TRIP12: variants seen among roughly 807,000 people sequenced by gnomAD.
TRIP12 encodes thyroid hormone receptor interactor 12.
In TRIP12, 25 loss-of-function variants were observed where a neutral mutation model predicts 244.2. The observed-to-expected ratio is 0.10, with a 90% CI of 0.07 to 0.14. The LOEUF is 0.14. Among genes scored for constraint, TRIP12 ranks in the 10% least tolerant of loss-of-function variants. The probability of loss-of-function intolerance (pLI) is 1.00; values close to 1 mark genes in which losing one functional copy is unlikely to be tolerated. For synonymous variants in TRIP12, 905 were observed against 873.1 expected (o/e 1.04, Z -0.64); for missense variants, 1,677 against 2,486.4 (o/e 0.67, Z 6.92).
At chr2:229,868,002 A>C (rs1234115616) in intron 2 of TRIP12, among the ~76,000 whole-genome samples, 1 of 152,222 alleles carries the variant, frequency 6.6e-6, no homozygotes, top group Non-Finnish European at 1.5e-5. Context: ...CAACCATGCC[A>C]TTGTTGAATA....
chr2:229,882,920 G>A (rs2065181232), intron 1 of TRIP12, among the ~76,000 whole-genome samples: 1 of 152,190 alleles, frequency 6.6e-6, no homozygotes, highest in African/African-American at 2.4e-5. Context: ...AGGAAGAATA[G>A]CAGGTAAGAA....
chr2:229,860,606 T>C (rs189667517), intron 2 of TRIP12, 75 bp from the exon 3 acceptor site: 1 of 1,321,256 alleles, frequency 7.6e-7, no homozygotes, highest in East Asian at 2.7e-5. Context: ...TGAAATATTT[T>C]TATATATTTC....
intron 39 of TRIP12, 75 bp from the exon 40 acceptor site, chr2:229,769,400 T>G: frequency 7.2e-7 from 1 of 1,386,708 alleles, no homozygotes; most frequent in Non-Finnish European, 1.0e-6. Context: ...AAGGTCTACG[T>G]GTACCATAAA....
At chr2:229,851,868 G>GT (rs1165256502) in intron 4 of TRIP12, among the ~76,000 whole-genome samples, 1 of 152,174 alleles carries the variant, frequency 6.6e-6, no homozygotes, top group Admixed American at 6.5e-5. Flanking sequence ...CTTAAGAGCT[G>GT]TAACACTCAC....
chr2:229,893,196 T>C (rs1329446327), intron 1 of TRIP12, among the ~76,000 whole-genome samples: 1 of 152,220 alleles, frequency 6.6e-6, no homozygotes, highest in Non-Finnish European at 1.5e-5. Context: ...TACGTACCCC[T>C]GTGTCTGCCA....
intron 29 of TRIP12, chr2:229,791,639 AACCATGATTACTGTCC>A (rs1356612995): frequency 1.8e-6 from 1 of 559,118 alleles, no homozygotes; most frequent in Non-Finnish European, 3.1e-6. Flanking sequence ...AGCAGATGTA[AACCATGATTACTGTCC>A]ATGGATATAC....
At chr2:229,842,383 A>G (rs1008872474) in intron 4 of TRIP12, among the ~76,000 whole-genome samples, 4 of 152,210 alleles carry the variant, frequency 2.6e-5, no homozygotes, top group Non-Finnish European at 5.9e-5. Context: ...CTAGGGAGCT[A>G]GCTTGGTAAT....
chr2:229,905,838 TA>T (rs2072590775), intron 1 of TRIP12, among the ~76,000 whole-genome samples: 1 of 152,118 alleles, frequency 6.6e-6, no homozygotes, highest in African/African-American at 2.4e-5. Context: ...TTAAGTTCTA[TA>T]AAAAGCAGGC....
intron 2 of TRIP12, among the ~76,000 whole-genome samples, chr2:229,874,765 T>A (rs2063297445): frequency 6.6e-6 from 1 of 152,214 alleles, no homozygotes; most frequent in Non-Finnish European, 1.5e-5. Context: ...GTGGTAGGAT[T>A]AAAATTGTTT....
chr2:229,828,278 G>T (rs1352567202), intron 8 of TRIP12, among the ~76,000 whole-genome samples: 1 of 151,680 alleles, frequency 6.6e-6, no homozygotes, highest in Non-Finnish European at 1.5e-5. Flanking sequence ...AAAGGTTGAT[G>T]GTAAATACAG....
intron 20 of TRIP12, among the ~76,000 whole-genome samples, chr2:229,802,833 C>T (rs1476861271): frequency 6.6e-6 from 1 of 151,872 alleles, no homozygotes; most frequent in East Asian, 1.9e-4. Flanking sequence ...TGGAAAAGAC[C>T]AAGAATCAGT....
intron 1 of TRIP12, among the ~76,000 whole-genome samples, chr2:229,912,505 T>C (rs768272186): frequency 1.5e-4 from 23 of 152,184 alleles, no homozygotes; most frequent in Admixed American, 3.9e-4. Context: ...AGAGCCCATT[T>C]ACCTTAATAT....
chr2:229,771,172 C>T (rs866776226), intron 39 of TRIP12, among the ~76,000 whole-genome samples: 11 of 152,198 alleles, frequency 7.2e-5, no homozygotes, highest in African/African-American at 2.4e-4. Flanking sequence ...TAAAGTCAAG[C>T]CCCCTCCATG....
At chr2:229,874,868 A>G (rs972724434) in intron 2 of TRIP12, among the ~76,000 whole-genome samples, 2 of 152,208 alleles carry the variant, frequency 1.3e-5, no homozygotes, top group Non-Finnish European at 1.5e-5. Flanking sequence ...CACTAAAGCA[A>G]TCTTAAAGTT....
At chr2:229,894,999 T>C (rs1006007015) in intron 1 of TRIP12, among the ~76,000 whole-genome samples, 4 of 152,016 alleles carry the variant, frequency 2.6e-5, no homozygotes, top group African/African-American at 7.3e-5. Context: ...CTAAGGACAA[T>C]GAACAGAATA....
At chr2:229,876,782 G>C (rs187386638) in intron 2 of TRIP12, among the ~76,000 whole-genome samples, 3 of 152,292 alleles carry the variant, frequency 2.0e-5, no homozygotes, top group African/African-American at 4.8e-5. Context: ...TCCCACCTCA[G>C]CCTCCTATGT....
Position 229,787,679 on chromosome 2 carries a change from G to A in TRIP12, c.4839-18C>T. The stretch of plus-strand genomic sequence containing the variant: ...AAAATGGGCTGTAAAAAGATGCAAT[G>A]TAAGTTTATTATCTGGATGAGAATC... On this transcript the variant is annotated intron_variant, in intron 32 of 41. Transcript: ENST00000675903. 1.3e-6 allele frequency: 2 copies of A among 1,574,382 alleles called. No individual in the cohort carries two copies. The highest frequency in any genetic ancestry group is 1.4e-5 in the African/African-American group (1 of 73,306).
intron 4 of TRIP12, among the ~76,000 whole-genome samples, chr2:229,849,935 CAAAA>C (rs34774134): frequency 7.0e-6 from 1 of 143,742 alleles, no homozygotes. Flanking sequence ...TAATACACAC[CAAAA>C]AAAAAAAAAG....
At chr2:229,868,441 G>C (rs1369521341) in intron 2 of TRIP12, among the ~76,000 whole-genome samples, 2 of 152,120 alleles carry the variant, frequency 1.3e-5, no homozygotes, top group Non-Finnish European at 2.9e-5. Context: ...GGGCTCAAAC[G>C]ATCTGCCTGC....
Sources: gnomAD v4.1 joint callset for allele counts (sites outside exome capture counted in the v4.1 genomes callset) on GRCh38, gnomAD v4.1.1 for gene constraint, MANE v1.5 for transcripts, NCBI Gene and HGNC (gene_info 2026-07-23, HGNC 2026-07-21) for gene names.